Variants in USP10 observed in about 807,000 individuals in gnomAD.
USP10 encodes the protein ubiquitin specific peptidase 10, also known as ubiquitin carboxyl-terminal hydrolase 10.
In USP10, 22 loss-of-function variants were observed where a neutral mutation model predicts 84.5. The observed-to-expected ratio is 0.26, with a 90% confidence interval of 0.19 to 0.37. The LOEUF is 0.37. Among genes scored for constraint, USP10 ranks in the 10% least tolerant of loss-of-function variants. The probability of loss-of-function intolerance (pLI) is 1.00; values close to 1 mark genes in which losing one functional copy is unlikely to be tolerated. For synonymous variants in USP10, 454 were observed against 387.6 expected (o/e 1.17, Z -2.01); for missense variants, 1,019 against 998.9 (o/e 1.02, Z -0.27).
At position 84,757,740 on chromosome 16, in the gene USP10, G is replaced by A. The variant is rs565243728; in HGVS notation, c.1193-976G>A. The stretch of plus-strand genomic sequence containing the variant: ...GTAAAGGAGACAGTGTGGATTGGCT[G>A]CAGATTATGGAGTTGAGGCCCTGGC... On this transcript the variant is annotated intron_variant, in intron 4 of 13. Transcript: ENST00000219473. 2.6e-5 allele frequency among the ~76,000 whole-genome samples: 4 copies of A among 152,244 alleles called. No homozygotes were observed. In the South Asian group the frequency reaches 6.2e-4, roughly 24 times the overall value.
chr16:84,719,262 G>A (rs907266714), intron 1 of USP10, among the ~76,000 whole-genome samples: 3 of 151,954 alleles, frequency 2.0e-5, no homozygotes, highest in African/African-American at 4.8e-5. Flanking sequence ...TTTTTAACTG[G>A]GAGGCATAAC....
intron 2 of USP10, among the ~76,000 whole-genome samples, chr16:84,738,524 G>A (rs1272351277): frequency 1.3e-5 from 2 of 152,154 alleles, no homozygotes; most frequent in African/African-American, 2.4e-5. Context: ...CCACCTCTCT[G>A]CTCCAGGTGC....
rs1358022920 is a variant in USP10 at position 84,731,517 on chromosome 16, TC to T, written c.22-1912del. 2.6e-5 allele frequency among the ~76,000 whole-genome samples: 4 copies of T among 151,914 alleles called. No homozygotes were observed. In the East Asian group the frequency reaches 7.7e-4, roughly 29 times the overall value. On this transcript the variant is annotated intron_variant, in intron 1 of 13. Coordinates refer to ENST00000219473, the MANE Select transcript of USP10 (RefSeq NM_005153.3). ...GGAATTCTTAAGCAGTTTCCTTTCC[TC>T]CCCCCAAGAAAAAGGTGTATGTGAC... is the stretch of plus-strand genomic sequence containing the variant.
At position 84,779,594 on chromosome 16, in the gene USP10, C is replaced by G. The variant is rs1262776850; in HGVS notation, c.*512C>G. On this transcript the variant is annotated 3_prime_UTR_variant, in exon 14 of 14. Transcript: ENST00000219473. The stretch of plus-strand genomic sequence containing the variant: ...AAAAATAAACATAAAAAATAAGTTG[C>G]TGGTTCCTAACAGGAAAAATTTTAA... 6.5e-6 allele frequency: 1 copy of G among 152,860 alleles called. No individual in the cohort carries two copies. Among genetic ancestry groups the G allele is most frequent in the Non-Finnish European group, 1.5e-5 (1 of 68,266 alleles). The allele number at this position is 152,860 out of a possible 1,614,324, so 9.5% of individuals were successfully genotyped here. A position where few individuals can be genotyped will look rare whatever the true frequency, so the allele number is the denominator to read the frequency against.
chr16:84,719,733 G>T (rs1306217300), intron 1 of USP10, among the ~76,000 whole-genome samples: 1 of 152,194 alleles, frequency 6.6e-6, no homozygotes, highest in East Asian at 1.9e-4. Flanking sequence ...TCTAATAAAA[G>T]ATTTCAGACC....
rs369647790 is a variant in USP10, at chr16:84,760,255, A to C, written c.1534A>C (p.Lys512Gln). Reference protein sequence around the residue: ...TYIYRLLTVNKSSLSEKGRQE... With the variant: ...TYIYRLLTVNQSSLSEKGRQE... ...TATTTACAGACTCCTGACAGTTAAC[A>C]AGTCAAGCCTGTCTGAAAAGGTTTG... The change falls in exon 8 of 14, where the codon AAG (lysine) becomes CAG (glutamine). Residue 512 changes from lysine to glutamine, a missense_variant. By Grantham distance (53) the Lys-to-Gln change is moderately conservative. This residue lies in a region of USP10 where 787 missense variants were observed against 708.8 expected (regional missense o/e 1.11). Transcript: ENST00000219473. 5.0e-6 allele frequency: 8 copies of C among 1,608,106 alleles called. No individual in the cohort carries two copies. The African/African-American group carries it at 9.3e-5, about 19-fold the overall frequency.
intron 13 of USP10, among the ~76,000 whole-genome samples, chr16:84,778,689 G>A (rs1437440066): frequency 6.6e-6 from 1 of 152,168 alleles, no homozygotes; most frequent in Non-Finnish European, 1.5e-5. Context: ...CCCTTACCTT[G>A]CAGTTATAGA....
At chr16:84,768,088 G>T in intron 10 of USP10, 105 bp from the exon 11 acceptor site, 1 of 1,256,078 alleles carries the variant, frequency 8.0e-7, no homozygotes. Context: ...TTTTGAAAGT[G>T]ATATTGAATA....
rs1033151587 is a variant in USP10, at chr16:84,709,237, G to A, written c.21+9126G>A. 10 of 152,326 alleles carry A rather than the reference G, an allele frequency of 6.6e-5. 1 individual carries two copies. The highest frequency in any genetic ancestry group is 5.2e-4 in the Admixed American group (8 of 15,300). The allele number at this position is 152,326 out of a possible 1,614,324, so 9.4% of individuals were successfully genotyped here. On this transcript the variant is annotated intron_variant, in intron 1 of 13. Coordinates refer to ENST00000219473, the MANE Select transcript of USP10 (RefSeq NM_005153.3). ...CCAAACTGAGAGATGTTTCCCAAAG[G>A]AAGGGAACACAATCTGAAGTCAGAG...
At chr16:84,706,260 A>T (rs1905489462) in intron 1 of USP10, among the ~76,000 whole-genome samples, 1 of 152,050 alleles carries the variant, frequency 6.6e-6, no homozygotes, top group Admixed American at 6.6e-5. Flanking sequence ...ATAGAAGAGG[A>T]TTTGAAAATG....
intron 1 of USP10, among the ~76,000 whole-genome samples, chr16:84,725,621 C>A (rs578034210): frequency 1.3e-5 from 2 of 152,048 alleles, no homozygotes; most frequent in Non-Finnish European, 2.9e-5. Flanking sequence ...GCAGTCTGTT[C>A]TCTGACTCCT....
chr16:84,756,927 G>A lies in USP10; in HGVS notation c.1193-1789G>A, dbSNP rs560642154. ...AGTATCTGAAACCTTGGAATAAAAG[G>A]GATTTTTAAGTGAAGCCCCTTATAT... On this transcript the variant is annotated intron_variant, in intron 4 of 13. Transcript: ENST00000219473. 2.5e-4 allele frequency among the ~76,000 whole-genome samples: 38 copies of A among 152,236 alleles called. 1 individual carries two copies. In the South Asian group the frequency reaches 6.8e-3, roughly 27 times the overall value.
chr16:84,706,599 G>A (rs914552549), intron 1 of USP10, among the ~76,000 whole-genome samples: 1 of 151,054 alleles, frequency 6.6e-6, no homozygotes, highest in Admixed American at 6.6e-5. Flanking sequence ...GGAGTGCAGT[G>A]GCGCAATCTC....
intron 2 of USP10, 122 bp from the exon 3 acceptor site, chr16:84,740,187 A>T (rs1026472021): frequency 8.9e-6 from 7 of 783,686 alleles, no homozygotes; most frequent in Admixed American, 5.6e-5. Flanking sequence ...ATTCTGCTAG[A>T]AGTAACGGCA....
chr16:84,701,763 A>G (rs752801854), intron 1 of USP10, among the ~76,000 whole-genome samples: 5 of 152,212 alleles, frequency 3.3e-5, no homozygotes, highest in Non-Finnish European at 7.3e-5. Context: ...GTTTTATACA[A>G]CAGTCTAAAG....
chr16:84,748,346 C>G (rs1911500136), intron 4 of USP10, among the ~76,000 whole-genome samples: 1 of 151,876 alleles, frequency 6.6e-6, no homozygotes, highest in Non-Finnish European at 1.5e-5. Flanking sequence ...CTCTGTCGCC[C>G]AGGCCGGAAT....
chr16:84,732,497 G>A (rs553949129), intron 1 of USP10: 2 of 386,888 alleles, frequency 5.2e-6, no homozygotes, highest in Non-Finnish European at 1.0e-5. Context: ...CCCCGGCTGG[G>A]GTGCGGTGGC....
intron 4 of USP10, among the ~76,000 whole-genome samples, chr16:84,757,140 A>C (rs189479070): frequency 1.3e-3 from 196 of 152,276 alleles, no homozygotes; most frequent in African/African-American, 4.3e-3. Flanking sequence ...GACAGGTGCT[A>C]TCTCTGCTGG....
intron 1 of USP10, among the ~76,000 whole-genome samples, chr16:84,702,836 T>C (rs909101936): frequency 6.6e-6 from 1 of 151,512 alleles, no homozygotes; most frequent in African/African-American, 2.4e-5. Context: ...CTACTAAAAA[T>C]ACAAAAATTA....
Sources: gnomAD v4.1 joint callset for allele counts (sites outside exome capture counted in the v4.1 genomes callset) on GRCh38, gnomAD v4.1.1 for gene constraint, gnomAD v4.1.1 regional missense constraint, MANE v1.5 for transcripts, NCBI Gene and HGNC (gene_info 2026-07-23, HGNC 2026-07-21) for gene names.